The following FAM186B variants were observed in gnomAD, a reference collection of about 807,000 sequenced individuals.
The protein encoded by FAM186B is family with sequence similarity 186 member B.
Under a neutral mutation model 83.4 loss-of-function variants are expected in FAM186B, and 68 were observed. That is an observed-to-expected ratio of 0.81 (90% CI 0.67 to 1.00). The LOEUF (loss-of-function observed/expected upper bound fraction) is 1.00. FAM186B is among the 50% of genes least tolerant of loss of function. The probability of loss-of-function intolerance (pLI) is 0.00; values close to 1 mark genes in which losing one functional copy is unlikely to be tolerated. For synonymous variants in FAM186B, 389 were observed against 422.0 expected (o/e 0.92, Z 0.96); for missense variants, 983 against 1,099.2 (o/e 0.89, Z 1.49).
At chr12:49,593,902 A>T (rs1240172265) in intron 5 of FAM186B, among the ~76,000 whole-genome samples, 1 of 152,222 alleles carries the variant, frequency 6.6e-6, no homozygotes, top group Non-Finnish European at 1.5e-5. Context: ...TATTTGAATA[A>T]TAAACCTATA....
chr12:49,619,277 G>A, the FAM186B span: 6 of 259,598 alleles, frequency 2.3e-5, no homozygotes, highest in Admixed American at 1.1e-4. Flanking sequence ...GGGATCAGAA[G>A]CCGGTTGGTG....
chr12:49,619,097 T>C, the FAM186B span, among the ~76,000 whole-genome samples: 1 of 152,222 alleles, frequency 6.6e-6, no homozygotes, highest in Non-Finnish European at 1.5e-5. Flanking sequence ...TCTGAAGGAA[T>C]TCATTACCCA....
intron 3 of FAM186B, among the ~76,000 whole-genome samples, chr12:49,601,873 G>A (rs910911144): frequency 6.6e-6 from 1 of 151,926 alleles, no homozygotes; most frequent in Non-Finnish European, 1.5e-5. Context: ...ATCACTGGTG[G>A]AAAAAACAAT....
In FAM186B at chr12:49,587,603, G is replaced by T. The variant is rs148283903; in HGVS notation, c.*2C>A. The T allele has an allele frequency of 2.0e-3, 3,268 of 1,613,424 alleles. 58 individuals are homozygous for T. The Admixed American group carries it at 0.032, about 16-fold the overall frequency. ...GAAGTTCAGGCTTTTGTGGCAGGAG[G>T]ACTACACGTCCAGTGTCAACAGCCG... On this transcript the variant is annotated 3_prime_UTR_variant, in exon 7 of 7. Coordinates refer to ENST00000257894, the MANE Select transcript of FAM186B (RefSeq NM_032130.3).
the FAM186B span, chr12:49,619,262 A>G: frequency 8.1e-6 from 2 of 247,824 alleles, no homozygotes; most frequent in Non-Finnish European, 1.5e-5. Context: ...ACACAGGCAC[A>G]GGTGGGGATC....
intron 5 of FAM186B, chr12:49,593,217 T>C (rs1265945068): frequency 6.6e-6 from 1 of 152,144 alleles, no homozygotes; most frequent in Non-Finnish European, 1.5e-5. Flanking sequence ...GTAAATAATA[T>C]ATAGACACAG....
In FAM186B at chr12:49,600,720, A is replaced by G; in HGVS notation, c.920T>C (p.Leu307Pro). 6.2e-7 allele frequency: 1 copy of G among 1,614,192 alleles called. No homozygotes were observed. The highest frequency in any genetic ancestry group is 8.5e-7 in the Non-Finnish European group (1 of 1,180,016). The change falls in exon 4 of 7, where the codon CTT becomes CCT. Residue 307 changes from leucine to proline, a missense_variant. Transcript: ENST00000257894. The surrounding 1 kb of genome is among the most constrained non-coding windows in gnomAD (Gnocchi z 4.3). ...VEILGGRYHD[L>P]LLMKQALEFQ... ...CTCCAAGGCCTGCTTCATCAGGAGA[A>G]GGTCATGGTACCTTCCCCCTAAGAT...
the FAM186B span, chr12:49,619,230 G>C: frequency 4.8e-6 from 1 of 208,008 alleles, no homozygotes; most frequent in African/African-American, 2.3e-5. Flanking sequence ...CAAAAAAGCG[G>C]GAGTATTATA....
At chr12:49,612,535 G>T in the FAM186B span, among the ~76,000 whole-genome samples, 26 of 137,176 alleles carry the variant, frequency 1.9e-4, no homozygotes, top group East Asian at 2.7e-3. Flanking sequence ...TTTTATGTGT[G>T]TTTTTTTTTT....
At chr12:49,616,920 G>A in the FAM186B span, among the ~76,000 whole-genome samples, 3 of 152,154 alleles carry the variant, frequency 2.0e-5, no homozygotes, top group Non-Finnish European at 4.4e-5. Flanking sequence ...AGGGATTGTG[G>A]GCAACCAGGG....
upstream of FAM186B, among the ~76,000 whole-genome samples, chr12:49,607,672 T>C (rs1940049945): frequency 6.6e-6 from 1 of 152,114 alleles, no homozygotes. Context: ...TCTCAAATCA[T>C]TTTATGAGGT....
At chr12:49,610,823 G>T in the FAM186B span, among the ~76,000 whole-genome samples, 2 of 149,438 alleles carry the variant, frequency 1.3e-5, no homozygotes, top group Admixed American at 1.3e-4. Flanking sequence ...CTCACTTAAA[G>T]AATTTCAAAA....
At chr12:49,585,865 C>T (rs1449848886), downstream of FAM186B, among the ~76,000 whole-genome samples, 1 of 152,206 alleles carries the variant, frequency 6.6e-6, no homozygotes, top group Non-Finnish European at 1.5e-5. Context: ...CAGGAGGGCA[C>T]GCCCAAAGGA....
At chr12:49,608,357 G>A (rs1365746833), upstream of FAM186B, among the ~76,000 whole-genome samples, 1 of 151,232 alleles carries the variant, frequency 6.6e-6, no homozygotes, top group Non-Finnish European at 1.5e-5. Flanking sequence ...TGGGTGTGGT[G>A]GTGTGCACCT....
At chr12:49,621,142 C>T in the FAM186B span, among the ~76,000 whole-genome samples, 1 of 152,178 alleles carries the variant, frequency 6.6e-6, no homozygotes, top group African/African-American at 2.4e-5. Context: ...CAACACTTTG[C>T]CAGGTCGAGG....
chr12:49,612,213 CCTGT>C, the FAM186B span, among the ~76,000 whole-genome samples: 1 of 152,124 alleles, frequency 6.6e-6, no homozygotes, highest in South Asian at 2.1e-4. Context: ...AAAAACAAGA[CCTGT>C]CTGTCTGCTG....
chr12:49,616,965 G>A, the FAM186B span, among the ~76,000 whole-genome samples: 9 of 152,234 alleles, frequency 5.9e-5, no homozygotes, highest in African/African-American at 1.7e-4. Flanking sequence ...ACTGGAGGGT[G>A]TTAGGAAATA....
At chr12:49,608,863 G>GT (rs1167401871), upstream of FAM186B, among the ~76,000 whole-genome samples, 2 of 152,030 alleles carry the variant, frequency 1.3e-5, no homozygotes, top group African/African-American at 2.4e-5. Context: ...AGTCCTGGAG[G>GT]TAACTTGAGA....
chr12:49,621,156 G>A, the FAM186B span, among the ~76,000 whole-genome samples: 71 of 152,338 alleles, frequency 4.7e-4, no homozygotes, highest in African/African-American at 1.5e-3. Flanking sequence ...GTCGAGGCAG[G>A]CAGATCACTT....
Sources: gnomAD v4.1 joint callset for allele counts (sites outside exome capture counted in the v4.1 genomes callset) on GRCh38, gnomAD v4.1.1 for gene constraint, Gnocchi (gnomAD v3.1) non-coding constraint, MANE v1.5 for transcripts, NCBI Gene and HGNC (gene_info 2026-07-23, HGNC 2026-07-21) for gene names.